KDELR3: variants seen among roughly 807,000 people sequenced by gnomAD.
KDELR3 encodes KDEL endoplasmic reticulum protein retention receptor 3.
A neutral mutation model predicts 22.7 loss-of-function variants in KDELR3; 26 were observed. The observed-to-expected ratio is 1.15, with a 90% CI of 0.84 to 1.59. KDELR3 has a LOEUF of 1.59. Ranked by LOEUF, KDELR3 falls within the 40% of genes most tolerant of loss-of-function variation. The pLI is 0.00. For missense variants in KDELR3, 289 were observed against 251.1 expected (o/e 1.15, Z -1.02); for synonymous variants, 120 against 98.2 (o/e 1.22, Z -1.31).
At chr22:38,468,806 T>C (rs1170178749) in intron 1 of KDELR3, among the ~76,000 whole-genome samples, 1 of 152,146 alleles carries the variant, frequency 6.6e-6, no homozygotes, top group Non-Finnish European at 1.5e-5. Flanking sequence ...GGCTGTGATG[T>C]GGCAGGAGGG....
intron 4 of KDELR3, 194 bp downstream of exon 4, chr22:38,481,658 G>A (rs1264062042): frequency 2.8e-6 from 4 of 1,434,808 alleles, no homozygotes; most frequent in South Asian, 2.9e-5. Flanking sequence ...TAGGTTATGT[G>A]TACTATGCAA....
At chr22:38,469,046 G>T (rs894349923) in intron 1 of KDELR3, among the ~76,000 whole-genome samples, 7 of 152,276 alleles carry the variant, frequency 4.6e-5, no homozygotes, top group Admixed American at 2.0e-4. Flanking sequence ...GGCACTGGGT[G>T]TGCAGAGGCA....
At chr22:38,469,462 AG>A (rs922471897) in intron 1 of KDELR3, among the ~76,000 whole-genome samples, 21 of 152,278 alleles carry the variant, frequency 1.4e-4, no homozygotes, top group Non-Finnish European at 2.6e-4. Context: ...GAGGCCTGGC[AG>A]GGTGGGGGTT....
intron 2 of KDELR3, among the ~76,000 whole-genome samples, chr22:38,478,467 G>A (rs1482540770): frequency 2.0e-5 from 3 of 147,710 alleles, no homozygotes; most frequent in Non-Finnish European, 4.5e-5. Context: ...TCCAGGAGGC[G>A]GAGGTTGCAG....
chr22:38,482,436 G>A (rs2089610349), intron 4 of KDELR3, 60 bp from the exon 5 acceptor site: 6 of 1,362,724 alleles, frequency 4.4e-6, no homozygotes, highest in Non-Finnish European at 6.3e-6. Context: ...TATGCATCAA[G>A]TTATAAAGCA....
rs538910498 is a variant in KDELR3, at chr22:38,480,609, C to T, written c.352-603C>T. Among the ~76,000 whole-genome samples the T allele has an allele frequency of 7.2e-5, 11 of 151,756 alleles. No homozygotes were observed. The South Asian group carries it at 1.3e-3, about 17-fold the overall frequency. ...GAAAAATAGAAAAAAAAAAATTAGC[C>T]GAGCGTGGTGGCAGGCGCCTGTAGT... is the stretch of plus-strand genomic sequence containing the variant. On this transcript the variant is annotated intron_variant, in intron 3 of 4. Coordinates refer to ENST00000216014, the MANE Select transcript of KDELR3 (RefSeq NM_006855.4).
intron 1 of KDELR3, among the ~76,000 whole-genome samples, chr22:38,471,563 G>T (rs2089525276): frequency 6.6e-6 from 1 of 152,228 alleles, no homozygotes; most frequent in Admixed American, 6.5e-5. Context: ...CACTCTGCAT[G>T]AGGGGCCGTT....
chr22:38,471,100 C>T (rs1051376886), intron 1 of KDELR3, among the ~76,000 whole-genome samples: 3 of 152,098 alleles, frequency 2.0e-5, no homozygotes, highest in African/African-American at 4.8e-5. Flanking sequence ...GCTGAGATTG[C>T]ACCATTGCAC....
At chr22:38,480,724 G>A (rs2089593813) in intron 3 of KDELR3, among the ~76,000 whole-genome samples, 2 of 152,044 alleles carry the variant, frequency 1.3e-5, no homozygotes. Flanking sequence ...CTGCACTCCA[G>A]CCTGGGAGAC....
intron 2 of KDELR3, 52 bp downstream of exon 2, chr22:38,474,675 T>A: frequency 6.9e-7 from 1 of 1,447,642 alleles, no homozygotes; most frequent in Non-Finnish European, 9.7e-7. Flanking sequence ...CCCCACAAAC[T>A]GTGAGGTAGC....
At chr22:38,482,003 G>T (rs373955997) in intron 4 of KDELR3, among the ~76,000 whole-genome samples, 1 of 152,190 alleles carries the variant, frequency 6.6e-6, no homozygotes. Context: ...ATCCTGAGCC[G>T]CGGGTTGGAC....
intron 1 of KDELR3, among the ~76,000 whole-genome samples, chr22:38,471,617 C>T (rs1053103534): frequency 1.3e-5 from 2 of 152,236 alleles, no homozygotes; most frequent in African/African-American, 2.4e-5. Flanking sequence ...CTAAAGCCAG[C>T]ACATTCTCCA....
intron 1 of KDELR3, among the ~76,000 whole-genome samples, chr22:38,469,614 G>A (rs2089511725): frequency 6.6e-6 from 1 of 152,094 alleles, no homozygotes; most frequent in South Asian, 2.1e-4. Context: ...TGCTGAGTGG[G>A]GGACCCGGAG....
chr22:38,474,599 C>T lies in KDELR3; in HGVS notation c.168C>T (p.Ile56=). The T allele has an allele frequency of 6.2e-7, 1 of 1,613,900 alleles. No homozygotes were observed. The highest frequency in any genetic ancestry group is 1.7e-4 in the Middle Eastern group (1 of 6,060). ...TRYLDLFTNF[I]SIYNTVMKVV... Reference sequence around the variant, plus strand: ...ACCTGGACCTGTTCACCAACTTCATCTCCATCTACAACACAGTAATGAAGG... The same window carrying T: ...ACCTGGACCTGTTCACCAACTTCATTTCCATCTACAACACAGTAATGAAGG... The change falls in exon 2 of 5, where the codon ATC becomes ATT. Residue 56 remains isoleucine, a synonymous_variant. Coordinates refer to ENST00000216014, the MANE Select transcript of KDELR3 (RefSeq NM_006855.4).
chr22:38,479,075 T>C (rs1001161070), intron 2 of KDELR3, among the ~76,000 whole-genome samples: 4 of 151,856 alleles, frequency 2.6e-5, no homozygotes, highest in East Asian at 1.9e-4. Context: ...GGAGCAATGG[T>C]CAGTTAGTTC....
Position 38,474,615 on chromosome 22 carries a change from G to A in KDELR3, c.184G>A (p.Val62Ile), listed in dbSNP as rs994400069. ...CAACTTCATCTCCATCTACAACACA[G>A]TAATGAAGGTGAGGGGCTGGGTGAT... is the stretch of plus-strand genomic sequence containing the variant. Reference protein sequence around the residue: ...FTNFISIYNTVMKVVFLLCAY... With the variant: ...FTNFISIYNTIMKVVFLLCAY... The change falls in exon 2 of 5, where the codon GTA becomes ATA. Residue 62 changes from valine (V) to isoleucine (I), a missense_variant. Val to Ile is a conservative substitution (Grantham distance 29). Transcript: ENST00000216014. 1 of 1,612,404 alleles carries A rather than the reference G, an allele frequency of 6.2e-7. No individual in the cohort carries two copies. Among genetic ancestry groups the A allele is most frequent in the Non-Finnish European group, 8.5e-7 (1 of 1,178,640 alleles).
chr22:38,480,931 TAAAA>T (rs369235996), intron 3 of KDELR3, among the ~76,000 whole-genome samples: 3 of 140,870 alleles, frequency 2.1e-5, no homozygotes, highest in African/African-American at 7.8e-5. Flanking sequence ...GACCCTATCT[TAAAA>T]AAAAAAAAAT....
At chr22:38,474,424 ACT>A (rs1392950527) in intron 1 of KDELR3, 97 bp from the exon 2 acceptor site, 4 of 876,606 alleles carry the variant, frequency 4.6e-6, no homozygotes, top group Non-Finnish European at 7.4e-6. Context: ...GGGAGTGGAC[ACT>A]CTAGAGGCCT....
At chr22:38,470,781 C>G (rs2089519900) in intron 1 of KDELR3, among the ~76,000 whole-genome samples, 1 of 152,104 alleles carries the variant, frequency 6.6e-6, no homozygotes, top group African/African-American at 2.4e-5. Context: ...TCCTCTGTGT[C>G]CCGGGTCTCC....
Sources: gnomAD v4.1 joint callset for allele counts (sites outside exome capture counted in the v4.1 genomes callset) on GRCh38, gnomAD v4.1.1 for gene constraint, MANE v1.5 for transcripts, NCBI Gene and HGNC (gene_info 2026-07-23, HGNC 2026-07-21) for gene names.